RHOA: variants seen among roughly 807,000 people sequenced by gnomAD.
The protein encoded by RHOA is transforming protein RhoA.
A neutral mutation model predicts 17.5 loss-of-function variants in RHOA; 3 were observed. The observed-to-expected ratio is 0.17, with a 90% CI of 0.08 to 0.44. The LOEUF (loss-of-function observed/expected upper bound fraction) is 0.44, where lower values mean the gene tolerates loss of function less well. Ranked by LOEUF, RHOA falls within the 20% of genes least tolerant of loss-of-function variation. RHOA has a pLI of 0.99. For synonymous variants in RHOA, 98 were observed against 88.4 expected (o/e 1.11, Z -0.61); for missense variants, 56 against 242.3 (o/e 0.23, Z 5.10).
At chr3:49,396,390 A>C (rs1575673142) in intron 1 of RHOA, among the ~76,000 whole-genome samples, 1 of 152,224 alleles carries the variant, frequency 6.6e-6, no homozygotes, top group South Asian at 2.1e-4. Context: ...CCTGGCCAAC[A>C]TGGTGAGACC....
intron 1 of RHOA, among the ~76,000 whole-genome samples, chr3:49,392,324 G>C (rs76751051): frequency 0.011 from 1,739 of 152,020 alleles, 32 homozygotes; most frequent in African/African-American, 0.041. Flanking sequence ...CAGCTACTGG[G>C]TGGGTAAGGG....
chr3:49,392,225 A>G (rs981558351), intron 1 of RHOA, among the ~76,000 whole-genome samples: 4 of 152,120 alleles, frequency 2.6e-5, no homozygotes, highest in African/African-American at 9.7e-5. Context: ...TGAGGCCAGG[A>G]GCTCGAGACC....
At chr3:49,375,389 T>C (rs2048210230) in intron 2 of RHOA, 45 bp downstream of exon 2, 2 of 1,561,844 alleles carry the variant, frequency 1.3e-6, no homozygotes, top group South Asian at 1.2e-5. Context: ...CCATAAATAT[T>C]CTAACATGGA....
rs551638089 is a variant in RHOA, at chr3:49,407,390, C to T, written c.-3+4430G>A. On this transcript the variant is annotated intron_variant, in intron 1 of 4. Transcript: ENST00000418115. ...CCGGGATTATAGGCGCCTGCTGCCA[C>T]GCCCAGCTAATGTTTTGTATTTTTA... Among the ~76,000 whole-genome samples, 6 of 152,010 alleles carry T rather than the reference C, an allele frequency of 3.9e-5. No homozygotes were observed. The East Asian group carries it at 5.8e-4, about 15-fold the overall frequency.
intron 3 of RHOA, 88 bp downstream of exon 3, chr3:49,368,340 G>A (rs2048092687): frequency 6.7e-7 from 1 of 1,491,496 alleles, no homozygotes; most frequent in African/African-American, 1.4e-5. Flanking sequence ...TGAAGTTCAT[G>A]TCTGCTTTTC....
chr3:49,361,650 G>A (rs1242100919), intron 4 of RHOA, among the ~76,000 whole-genome samples: 1 of 152,176 alleles, frequency 6.6e-6, no homozygotes, highest in Non-Finnish European at 1.5e-5. Context: ...GGAGGCCAAG[G>A]CGGGCAGATC....
At chr3:49,409,119 G>C (rs970759172) in intron 1 of RHOA, among the ~76,000 whole-genome samples, 3 of 151,838 alleles carry the variant, frequency 2.0e-5, no homozygotes, top group African/African-American at 7.3e-5. Context: ...ATATGGGTGG[G>C]CGTGGTGGCT....
chr3:49,375,371 T>C, intron 2 of RHOA, 63 bp downstream of exon 2: 2 of 1,507,582 alleles, frequency 1.3e-6, no homozygotes, highest in Non-Finnish European at 1.8e-6. Flanking sequence ...TCTAATTCTC[T>C]ACATGCTCCA....
chr3:49,371,571 C>T (rs1222901751), intron 2 of RHOA, among the ~76,000 whole-genome samples: 5 of 152,146 alleles, frequency 3.3e-5, no homozygotes, highest in East Asian at 1.9e-4. Flanking sequence ...TGAGCTACGA[C>T]GTCTGGCCTT....
intron 1 of RHOA, among the ~76,000 whole-genome samples, chr3:49,389,116 TGGAACACCTGAAGTCAGG>T (rs1447053963): frequency 2.7e-5 from 4 of 149,862 alleles, no homozygotes; most frequent in Admixed American, 2.7e-4. Context: ...CCGAGGCGGG[TGGAACACCTGAAGTCAGG>T]AGTTCAAGAC....
At chr3:49,369,493 G>A (rs1242164804) in intron 2 of RHOA, among the ~76,000 whole-genome samples, 1 of 151,860 alleles carries the variant, frequency 6.6e-6, no homozygotes, top group Non-Finnish European at 1.5e-5. Context: ...AGCACTTTGG[G>A]AGGCTGAGGC....
intron 1 of RHOA, among the ~76,000 whole-genome samples, chr3:49,409,014 T>G (rs2048887492): frequency 6.6e-6 from 1 of 150,724 alleles, no homozygotes. Flanking sequence ...CAGGATGGTC[T>G]CCAGACCTCG....
chr3:49,409,680 T>C (rs745556483), intron 1 of RHOA, among the ~76,000 whole-genome samples: 6 of 152,156 alleles, frequency 3.9e-5, no homozygotes, highest in Non-Finnish European at 8.8e-5. Flanking sequence ...CCTGAAGAGC[T>C]ACCTGTTTTT....
At chr3:49,399,319 G>A (rs932432255) in intron 1 of RHOA, among the ~76,000 whole-genome samples, 3 of 150,826 alleles carry the variant, frequency 2.0e-5, no homozygotes, top group Non-Finnish European at 2.9e-5. Flanking sequence ...GCAGTGAGCC[G>A]AGATCGCACC....
intron 1 of RHOA, among the ~76,000 whole-genome samples, chr3:49,380,618 T>C (rs890307032): frequency 1.7e-4 from 26 of 151,000 alleles, no homozygotes; most frequent in African/African-American, 6.1e-4. Context: ...GAGGTTGCAG[T>C]GAGCCAAGAT....
At chr3:49,383,828 G>A (rs901026210) in intron 1 of RHOA, among the ~76,000 whole-genome samples, 3 of 152,026 alleles carry the variant, frequency 2.0e-5, no homozygotes, top group Admixed American at 2.0e-4. Flanking sequence ...TCAGGAGTTC[G>A]AGACCAGCCT....
intron 1 of RHOA, among the ~76,000 whole-genome samples, chr3:49,404,433 AACAC>A (rs374020319): frequency 9.9e-5 from 9 of 90,752 alleles, no homozygotes; most frequent in East Asian, 5.5e-4. Context: ...TCTCTAGTAA[AACAC>A]ACACACACAC....
At chr3:49,363,031 T>TGAC (rs969945965) in intron 3 of RHOA, among the ~76,000 whole-genome samples, 2 of 152,218 alleles carry the variant, frequency 1.3e-5, no homozygotes, top group Admixed American at 1.3e-4. Flanking sequence ...GGGCAGCAGC[T>TGAC]GACCCAGGGT....
chr3:49,375,714 C>T, intron 1 of RHOA, 123 bp from the exon 2 acceptor site: 1 of 955,286 alleles, frequency 1.0e-6, no homozygotes, highest in Non-Finnish European at 1.5e-6. Flanking sequence ...ATTCAAACTT[C>T]TAGTACGCCG....
Sources: gnomAD v4.1 joint callset for allele counts (sites outside exome capture counted in the v4.1 genomes callset) on GRCh38, gnomAD v4.1.1 for gene constraint, MANE v1.5 for transcripts, NCBI Gene and HGNC (gene_info 2026-07-23, HGNC 2026-07-21) for gene names.